Variants in DCDC1 observed in about 807,000 individuals in gnomAD.
DCDC1 encodes doublecortin domain-containing protein 1.
In DCDC1, 200 loss-of-function variants were observed where a neutral mutation model predicts 178.3. That is an observed-to-expected ratio of 1.12 (90% confidence interval 1.00 to 1.26). DCDC1 has a LOEUF of 1.26. DCDC1 is among the 50% of genes most tolerant of loss of function. DCDC1 has a pLI of 0.00. For synonymous variants in DCDC1, 690 were observed against 604.8 expected, an observed-to-expected ratio of 1.14 and a Z score of -2.07; for missense variants, 1,983 against 1,749.2, an observed-to-expected ratio of 1.13 and a Z score of -2.38.
At chr11:30,985,805 T>C (rs1950610173) in intron 20 of DCDC1, among the ~76,000 whole-genome samples, 1 of 152,142 alleles carries the variant, frequency 6.6e-6, no homozygotes, top group Admixed American at 6.6e-5. Flanking sequence ...GAGAGGACCA[T>C]GAGAACATGG....
chr11:31,352,061 C>T (rs1951101457), intron 1 of DCDC1, among the ~76,000 whole-genome samples: 1 of 152,114 alleles, frequency 6.6e-6, no homozygotes, highest in South Asian at 2.1e-4. Context: ...TCCTTCAAAC[C>T]TGATTACAAA....
At chr11:31,229,528 T>C (rs1975482044) in intron 9 of DCDC1, among the ~76,000 whole-genome samples, 1 of 152,120 alleles carries the variant, frequency 6.6e-6, no homozygotes, top group African/African-American at 2.4e-5. Flanking sequence ...ATCTCAATTA[T>C]TGGAGTAAAA....
intron 8 of DCDC1, among the ~76,000 whole-genome samples, chr11:31,249,142 G>A (rs1477180135): frequency 6.6e-6 from 1 of 152,038 alleles, no homozygotes; most frequent in East Asian, 1.9e-4. Flanking sequence ...TTACATGAAT[G>A]ACTAAAACAA....
chr11:31,127,694 C>T, intron 10 of DCDC1, 55 bp from the exon 11 acceptor site: 2 of 673,962 alleles, frequency 3.0e-6, no homozygotes, highest in Non-Finnish European at 2.7e-6. Context: ...TGATGTCACA[C>T]CTATTAGATT....
At chr11:31,353,414 T>A (rs2133314907) in intron 1 of DCDC1, among the ~76,000 whole-genome samples, 1 of 152,370 alleles carries the variant, frequency 6.6e-6, no homozygotes, top group East Asian at 1.9e-4. Context: ...AATTATCTGT[T>A]AATTTTAGTA....
intron 17 of DCDC1, 61 bp downstream of exon 17, chr11:31,091,332 C>A: frequency 1.5e-6 from 1 of 675,700 alleles, no homozygotes; most frequent in Non-Finnish European, 2.7e-6. Flanking sequence ...CACAATTGAA[C>A]TGCTCAGAAT....
At chr11:30,938,401 C>G (rs941412134) in intron 21 of DCDC1, among the ~76,000 whole-genome samples, 14 of 152,168 alleles carry the variant, frequency 9.2e-5, no homozygotes, top group African/African-American at 3.1e-4. Flanking sequence ...TTTTTAGCAG[C>G]CAGCTCTCAC....
intron 37 of DCDC1, 150 bp downstream of exon 37, chr11:30,881,008 A>AG: frequency 1.1e-6 from 1 of 870,404 alleles, no homozygotes; most frequent in Non-Finnish European, 1.7e-6. Context: ...GCACATAAAT[A>AG]TATAAATTTA....
intron 34 of DCDC1, among the ~76,000 whole-genome samples, chr11:30,897,577 C>T (rs1218868223): frequency 1.1e-4 from 10 of 87,040 alleles, no homozygotes; most frequent in Admixed American, 4.3e-4. Context: ...AACAAGACTC[C>T]GTCTCAAAAA....
intron 20 of DCDC1, among the ~76,000 whole-genome samples, chr11:30,996,213 G>A (rs1042866170): frequency 2.0e-5 from 3 of 151,978 alleles, no homozygotes; most frequent in East Asian, 3.9e-4. Flanking sequence ...CATAATGAAC[G>A]ATCACCACAC....
intron 9 of DCDC1, among the ~76,000 whole-genome samples, chr11:31,150,447 T>C (rs1213479069): frequency 1.3e-5 from 2 of 152,162 alleles, no homozygotes; most frequent in East Asian, 1.9e-4. Flanking sequence ...TATGGATCAG[T>C]ATATATAAAA....
Position 31,081,616 on chromosome 11 carries a change from A to AG in DCDC1, c.2238-3692_2238-3691insC, listed in dbSNP as rs1555043779. 1.4e-4 allele frequency among the ~76,000 whole-genome samples: 22 copies of AG among 152,276 alleles called. No homozygotes were observed. In the South Asian group the frequency reaches 4.3e-3, roughly 30 times the overall value. ...CAAGAGTGAAACTCCATCTCAAAAA[A>AG]AAAAGAAAAGAAAAGAAAAGAAATA... is the stretch of plus-strand genomic sequence containing the variant. On this transcript the variant is annotated intron_variant, in intron 17 of 38. Transcript: ENST00000684477.
chr11:31,035,890 A>G (rs960409518), intron 20 of DCDC1, among the ~76,000 whole-genome samples: 1 of 152,116 alleles, frequency 6.6e-6, no homozygotes, highest in Admixed American at 6.5e-5. Context: ...CTATTCATTT[A>G]TTTATTCAGG....
intron 22 of DCDC1, among the ~76,000 whole-genome samples, chr11:30,927,267 A>G (rs1395479646): frequency 1.3e-5 from 2 of 151,996 alleles, no homozygotes; most frequent in Admixed American, 6.6e-5. Context: ...TCAATTCTGT[A>G]TGGTTAAATA....
intron 8 of DCDC1, among the ~76,000 whole-genome samples, chr11:31,249,492 T>C (rs180738109): frequency 1.3e-5 from 2 of 152,186 alleles, no homozygotes; most frequent in Admixed American, 6.5e-5. Context: ...GCAACAAGGG[T>C]AGATGAAGTC....
At chr11:30,950,009 A>G (rs1319759384) in intron 21 of DCDC1, among the ~76,000 whole-genome samples, 2 of 152,142 alleles carry the variant, frequency 1.3e-5, no homozygotes, top group African/African-American at 4.8e-5. Flanking sequence ...ATAATAATAA[A>G]AAATGGGCAA....
At chr11:31,259,546 C>A (rs1364795749) in intron 8 of DCDC1, among the ~76,000 whole-genome samples, 27 of 152,140 alleles carry the variant, frequency 1.8e-4, no homozygotes, top group Admixed American at 1.8e-3. Flanking sequence ...GAAACTGACT[C>A]TCAGAGAAGC....
At chr11:31,212,727 G>C (rs1228163916) in intron 9 of DCDC1, among the ~76,000 whole-genome samples, 1 of 152,080 alleles carries the variant, frequency 6.6e-6, no homozygotes, top group Non-Finnish European at 1.5e-5. Flanking sequence ...CTTCCTTTTA[G>C]CTATTAGGAA....
intron 1 of DCDC1, among the ~76,000 whole-genome samples, chr11:31,343,213 T>C (rs1407193664): frequency 1.3e-5 from 2 of 152,126 alleles, no homozygotes; most frequent in Non-Finnish European, 2.9e-5. Flanking sequence ...GACTACTTGG[T>C]AGACTGAGGC....
Sources: gnomAD v4.1 joint callset for allele counts (sites outside exome capture counted in the v4.1 genomes callset) on GRCh38, gnomAD v4.1.1 for gene constraint, MANE v1.5 for transcripts, NCBI Gene and HGNC (gene_info 2026-07-23, HGNC 2026-07-21) for gene names.